The following SON variants were observed in gnomAD, a reference collection of about 807,000 sequenced individuals.
SON encodes the protein SON DNA and RNA binding protein.
A neutral mutation model predicts 173.3 loss-of-function variants in SON; 4 were observed. The ratio of observed to expected loss-of-function variants is 0.02; its 90% CI spans 0.01 to 0.05. The LOEUF (loss-of-function observed/expected upper bound fraction) is 0.05, where lower values mean the gene tolerates loss of function less well. Among genes scored for constraint, SON ranks in the 10% least tolerant of loss-of-function variants. The pLI, the probability that SON is intolerant of heterozygous loss-of-function variation, is 1.00. For synonymous variants in SON, 1,190 were observed against 1,105.9 expected, an observed-to-expected ratio of 1.08 and a Z score of -1.51; for missense variants, 2,626 against 3,055.3, an observed-to-expected ratio of 0.86 and a Z score of 3.31.
In SON at chr21:33,576,651, T is replaced by A. The variant is rs1011769596; in HGVS notation, c.*227T>A. The A allele has an allele frequency of 3.1e-6, 2 of 642,688 alleles. No individual in the cohort carries two copies. Among genetic ancestry groups the A allele is most frequent in the African/African-American group, 3.6e-5 (2 of 54,864 alleles). The allele number at this position is 642,688 out of a possible 1,614,324, so 39.8% of individuals were successfully genotyped here. ...TATTTCCTCTTTAATGTTGTAAATA[T>A]TTGGCAATTTAAGACATTGTGTAAA... On this transcript the variant is annotated 3_prime_UTR_variant, in exon 12 of 12. Coordinates refer to ENST00000356577, the MANE Select transcript of SON (RefSeq NM_138927.4).
intron 1 of SON, 81 bp downstream of exon 1, chr21:33,543,250 C>A: frequency 1.5e-6 from 2 of 1,325,074 alleles, no homozygotes; most frequent in South Asian, 1.2e-5. Context: ...TCTTCGGAGA[C>A]GCAGTCGTTC....
Position 33,546,227 on chromosome 21 carries a change from G to C in SON, c.92G>C (p.Gly31Ala). The part of the protein sequence containing the change: ...QQELSSGRNE[G>A]QLNGETNTPI... ...TTCATGTCAAGTGGAAGGAATGAAG[G>C]CCAGCTGAATGGTGAAACAAATACA... Residue 31 changes from glycine to alanine, a missense_variant, in exon 2 of 12, where the codon GGC becomes GCC. Around this residue, in one of 13 missense-constraint regions of SON, gnomAD observed 757 missense variants for 730.1 expected, o/e 1.04. Coordinates refer to ENST00000356577, the MANE Select transcript of SON (RefSeq NM_138927.4). 6.2e-7 allele frequency: 1 copy of C among 1,608,782 alleles called. No individual in the cohort carries two copies. The highest frequency in any genetic ancestry group is 8.5e-7 in the Non-Finnish European group (1 of 1,178,490).
rs1043756786 is a variant in SON, at chr21:33,559,224, T to C, written c.6322-6T>C. On this transcript the variant is annotated splice_region_variant and splice_polypyrimidine_tract_variant and intron_variant, in intron 4 of 11. Coordinates refer to ENST00000356577, the MANE Select transcript of SON (RefSeq NM_138927.4). This position sits in a 1 kb window ranked among gnomAD's most constrained non-coding sequence, Gnocchi z 4.1. The stretch of plus-strand genomic sequence containing the variant: ...ATTTATCTTTTGTTTGTTTTTACTT[T>C]TAAAGAAATGTAAACAGATCGCACA... 3.9e-6 allele frequency: 6 copies of C among 1,533,470 alleles called. No individual in the cohort carries two copies. The African/African-American group carries it at 5.6e-5, about 14-fold the overall frequency. The allele number at this position is 1,533,470 out of a possible 1,614,324, so 95.0% of individuals were successfully genotyped here.
At chr21:33,576,266 T>C in intron 11 of SON, 99 bp from the exon 12 acceptor site, 1 of 738,698 alleles carries the variant, frequency 1.4e-6, no homozygotes, top group South Asian at 1.5e-5. Flanking sequence ...ATGGGTTTTA[T>C]ATTTTTGTAA....
intron 8 of SON, among the ~76,000 whole-genome samples, chr21:33,570,958 C>T (rs1422947874): frequency 6.6e-6 from 1 of 152,052 alleles, no homozygotes; most frequent in Non-Finnish European, 1.5e-5. Flanking sequence ...AATTGGTTTT[C>T]CCCTAAAATA....
chr21:33,573,693 T>C (rs925582507), intron 9 of SON, among the ~76,000 whole-genome samples: 1 of 152,220 alleles, frequency 6.6e-6, no homozygotes, highest in Non-Finnish European at 1.5e-5. Context: ...TTGCTAAATA[T>C]GGAAATGTGT....
At chr21:33,562,251 CT>C (rs1352719371) in intron 6 of SON, among the ~76,000 whole-genome samples, 3 of 152,216 alleles carry the variant, frequency 2.0e-5, no homozygotes, top group Admixed American at 2.0e-4. Flanking sequence ...TTGTGAAATA[CT>C]TTTGGTAACA....
chr21:33,546,295 A>G lies in SON; in HGVS notation c.160A>G (p.Arg54Gly), dbSNP rs1384706496. ...GGCGGGTGATGCAGCTGCCTCTGCC[A>G]GGAGTCTACCAAATGAAGAAATAGT... Reference protein sequence around the residue: ...NQAGDAAASARSLPNEEIVQK... With the variant: ...NQAGDAAASAGSLPNEEIVQK... The change falls in exon 2 of 12, where the codon AGG (arginine) becomes GGG (glycine). Residue 54 changes from arginine to glycine, a missense_variant. Physicochemically the swap from Arg to Gly is moderately radical, Grantham distance 125. Coordinates refer to ENST00000356577, the MANE Select transcript of SON (RefSeq NM_138927.4). The G allele has an allele frequency of 2.5e-6, 4 of 1,613,772 alleles. No individual in the cohort carries two copies. In the East Asian group the frequency reaches 6.7e-5, roughly 27 times the overall value.
At chr21:33,575,437 A>G in intron 9 of SON, 159 bp from the exon 10 acceptor site, 1 of 504,600 alleles carries the variant, frequency 2.0e-6, no homozygotes, top group Non-Finnish European at 3.5e-6. Flanking sequence ...GAAAAACAGT[A>G]AAAGAGAAGA....
chr21:33,560,403 C>T (rs937636479), intron 6 of SON: 61 of 1,127,880 alleles, frequency 5.4e-5, no homozygotes, highest in Non-Finnish European at 6.5e-5. Context: ...TCTCCTTCCC[C>T]TCTTTGCTAC....
In SON at chr21:33,554,851, A is replaced by G. The variant is rs202193489; in HGVS notation, c.5620A>G (p.Ser1874Gly). 165 of 1,614,000 alleles carry G rather than the reference A, an allele frequency of 1.0e-4. No homozygotes were observed. The highest frequency in any genetic ancestry group is 1.3e-4 in the Non-Finnish European group (155 of 1,180,052). ...ACGTTCAAGACGCAGGAGGAGAAGCAGCAGATCAAGATCAAAGTCTAGAGG... is the reference window on the plus strand; with the variant it reads ...ACGTTCAAGACGCAGGAGGAGAAGCGGCAGATCAAGATCAAAGTCTAGAGG... ...RSRSRRRRRS[S>G]RSRSKSRGRR... is the part of the protein sequence containing the mutation. The change falls in exon 3 of 12, where the codon AGC (serine) becomes GGC (glycine). Residue 1874 changes from serine to glycine, a missense_variant. Physicochemically the swap from Ser to Gly is moderately conservative, Grantham distance 56. Transcript: ENST00000356577.
intron 11 of SON, among the ~76,000 whole-genome samples, 180 bp downstream of exon 11, chr21:33,576,073 T>G (rs1289798529): frequency 4.6e-5 from 7 of 152,168 alleles, no homozygotes; most frequent in Non-Finnish European, 1.0e-4. Context: ...CAATGTCCTA[T>G]TTTTTAAAAA....
In SON at chr21:33,566,983, TTC is replaced by T. The variant is rs201236269; in HGVS notation, c.6658-172_6658-171del. ...TACTTTGTAATTTATCTTAATCCTCTTCTGTTTTCCAAGATTACTTTCTCTTT... is the reference window on the plus strand; with the variant it reads ...TACTTTGTAATTTATCTTAATCCTCTTGTTTTCCAAGATTACTTTCTCTTT... On this transcript the variant is annotated intron_variant, in intron 6 of 11. Transcript: ENST00000356577. Among the ~76,000 whole-genome samples the T allele has an allele frequency of 8.5e-4, 129 of 152,322 alleles. 1 individual carries two copies. In the East Asian group the frequency reaches 0.017, roughly 20 times the overall value.
chr21:33,557,978 G>A (rs1314858205), intron 4 of SON: 4 of 179,462 alleles, frequency 2.2e-5, no homozygotes, highest in African/African-American at 9.6e-5. Flanking sequence ...TTTTGGTGTG[G>A]GTGGATGGGG....
chr21:33,566,517 T>A (rs1268177258), intron 6 of SON, among the ~76,000 whole-genome samples: 1 of 105,154 alleles, frequency 9.5e-6, no homozygotes, highest in African/African-American at 4.0e-5. Flanking sequence ...ACAGAAATAT[T>A]GTAATTATAA....
chr21:33,554,141 C>T lies in SON; in HGVS notation c.4910C>T (p.Thr1637Ile), dbSNP rs778814291. 2 of 1,614,022 alleles carry T rather than the reference C, an allele frequency of 1.2e-6. No homozygotes were observed. Among genetic ancestry groups the T allele is most frequent in the South Asian group, 1.1e-5 (1 of 91,076 alleles). Residue 1637 changes from threonine (T) to isoleucine (I), a missense_variant, in exon 3 of 12, where the codon ACT becomes ATT. Coordinates refer to ENST00000356577, the MANE Select transcript of SON (RefSeq NM_138927.4). Reference protein sequence around the residue: ...DVDLSLTTQDTEHDMVISTSP... With the variant: ...DVDLSLTTQDIEHDMVISTSP... ...GATTTATCTTTAACTACTCAAGATA[C>T]TGAACATGACATGGTAATTTCCACC... is the stretch of plus-strand genomic sequence containing the variant.
chr21:33,557,685 T>TACGCAAAGACACAGAC, intron 4 of SON: 1 of 1,477,120 alleles, frequency 6.8e-7, no homozygotes, highest in Non-Finnish European at 9.0e-7. Context: ...ATACTGCATA[T>TACGCAAAGACACAGAC]ACGCAAAGAC....
At position 33,549,650 on chromosome 21, in the gene SON, C is replaced by G. The variant is rs200397930; in HGVS notation, c.419C>G (p.Thr140Arg). The change falls in exon 3 of 12, where the codon ACG (threonine) becomes AGG (arginine). Residue 140 changes from threonine to arginine, a missense_variant. By Grantham distance (71) the Thr-to-Arg change is moderately conservative. Coordinates refer to ENST00000356577, the MANE Select transcript of SON (RefSeq NM_138927.4). ...CAGCCAGAAGAATCTGAGTCAAAGACGAAATCTCATGATGATGGGAACATA... is the reference window on the plus strand; with the variant it reads ...CAGCCAGAAGAATCTGAGTCAAAGAGGAAATCTCATGATGATGGGAACATA... ...KRQPEESESK[T>R]KSHDDGNIDL... The G allele has an allele frequency of 6.2e-7, 1 of 1,610,222 alleles. No homozygotes were observed. The highest frequency in any genetic ancestry group is 1.7e-5 in the Admixed American group (1 of 59,420).
rs2085810961 is a variant in SON, at chr21:33,552,114, T to G, written c.2883T>G (p.Asp961Glu). The G allele has an allele frequency of 1.9e-6, 3 of 1,613,992 alleles. No homozygotes were observed. In the East Asian group the frequency reaches 6.7e-5, roughly 36 times the overall value. ...ATGATCCCTACAGACTAACTCCTGA[T>G]CCCTATAGGATGTCACCTAGACCCT... ...LGHDPYRLTPDPYRMSPRPYR... is the reference protein window; with the variant it reads ...LGHDPYRLTPEPYRMSPRPYR... Residue 961 changes from aspartate to glutamate, a missense_variant, in exon 3 of 12, where the codon GAT becomes GAG. Asp to Glu is a conservative substitution (Grantham distance 45). Around this residue, in one of 13 missense-constraint regions of SON, gnomAD observed 366 missense variants for 448.6 expected, o/e 0.82. Transcript: ENST00000356577. This position sits in a 1 kb window ranked among gnomAD's most constrained non-coding sequence, Gnocchi z 5.6.
Sources: allele counts gnomAD v4.1 joint callset (sites outside exome capture counted in the v4.1 genomes callset), GRCh38; gene constraint gnomAD v4.1.1; regional missense constraint gnomAD v4.1.1; non-coding constraint Gnocchi (gnomAD v3.1); transcripts MANE v1.5; gene names NCBI Gene and HGNC (gene_info 2026-07-23, HGNC 2026-07-21).